PGPEP1L: variants seen among roughly 807,000 people sequenced by gnomAD.
The protein encoded by PGPEP1L is pyroglutamyl-peptidase I like, also known as pyroglutamyl-peptidase 1-like protein.
Under a neutral mutation model 6.0 loss-of-function variants are expected in PGPEP1L, and 7 were observed. The observed-to-expected ratio is 1.17, with a 90% CI of 0.66 to 2.19. The LOEUF (loss-of-function observed/expected upper bound fraction) is 2.19. Ranked by LOEUF, PGPEP1L falls within the 30% of genes most tolerant of loss-of-function variation. The pLI is 0.00. For synonymous variants in PGPEP1L, 103 were observed against 83.9 expected (o/e 1.23, Z -1.24); for missense variants, 209 against 192.5 (o/e 1.09, Z -0.51).
chr15:99,002,449 G>A (rs1408618583), intron 2 of PGPEP1L, among the ~76,000 whole-genome samples: 1 of 152,092 alleles, frequency 6.6e-6, no homozygotes, highest in African/African-American at 2.4e-5. Flanking sequence ...TATCTTGATT[G>A]TGGTGGTGGT....
At chr15:98,971,198 GGGGGGGGGGGGGT>G in intron 2 of PGPEP1L, 40 bp from the exon 3 acceptor site, 3 of 286,816 alleles carry the variant, frequency 1.0e-5, no homozygotes, top group Non-Finnish European at 1.4e-5. Context: ...AGTTGATGGG[GGGGGGGGGGGGGT>G]GGGCACCAAG....
chr15:98,981,489 C>CAAAAAAAA (rs769918543), intron 2 of PGPEP1L, among the ~76,000 whole-genome samples: 2 of 82,128 alleles, frequency 2.4e-5, no homozygotes, highest in African/African-American at 6.8e-5. Flanking sequence ...GACTCCGTCT[C>CAAAAAAAA]AAAAAAAAAA....
At chr15:98,975,349 AGGTT>A (rs1436578537) in intron 2 of PGPEP1L, among the ~76,000 whole-genome samples, 2 of 152,180 alleles carry the variant, frequency 1.3e-5, no homozygotes, top group Non-Finnish European at 2.9e-5. Context: ...GTATGAAAAG[AGGTT>A]GGTTATTGGA....
At chr15:99,004,267 G>A (rs2593054) in intron 2 of PGPEP1L, among the ~76,000 whole-genome samples, 98,761 of 151,484 alleles carry the variant, frequency 0.65, 33,714 homozygotes, top group Non-Finnish European at 0.77. Flanking sequence ...TAAATTGGGG[G>A]GTGTGGTGGT....
intron 2 of PGPEP1L, among the ~76,000 whole-genome samples, chr15:98,990,021 G>A (rs902545362): frequency 3.3e-5 from 5 of 152,134 alleles, no homozygotes; most frequent in South Asian, 2.1e-4. Flanking sequence ...CAGCCACTGC[G>A]AAACCATACC....
intron 2 of PGPEP1L, among the ~76,000 whole-genome samples, chr15:98,978,433 A>C (rs35435718): frequency 0.42 from 63,241 of 151,842 alleles, 14,275 homozygotes; most frequent in South Asian, 0.59. Context: ...GGCCTACTGG[A>C]TTTTGGAATC....
At chr15:98,969,314 G>C in intron 4 of PGPEP1L, 111 bp downstream of exon 4, 1 of 1,380,424 alleles carries the variant, frequency 7.2e-7, no homozygotes, top group South Asian at 1.2e-5. Context: ...GGCACCGCAT[G>C]GCCAAGTGGC....
intron 2 of PGPEP1L, among the ~76,000 whole-genome samples, chr15:98,998,593 A>G (rs1301282717): frequency 2.6e-5 from 4 of 152,252 alleles, no homozygotes; most frequent in African/African-American, 9.6e-5. Context: ...TAGAACAATT[A>G]GACACTAACA....
chr15:99,006,487 A>T (rs1477150239), intron 1 of PGPEP1L, among the ~76,000 whole-genome samples: 3 of 152,242 alleles, frequency 2.0e-5, no homozygotes, highest in Non-Finnish European at 4.4e-5. Flanking sequence ...CTATCGAAAA[A>T]GCTGTTTTCC....
intron 2 of PGPEP1L, among the ~76,000 whole-genome samples, chr15:98,999,643 T>C (rs1380190124): frequency 6.6e-6 from 1 of 152,210 alleles, no homozygotes; most frequent in Non-Finnish European, 1.5e-5. Flanking sequence ...GAAGCTTTAT[T>C]TGTAATAGAC....
chr15:98,990,329 G>C (rs2663108), intron 2 of PGPEP1L, among the ~76,000 whole-genome samples: 138,061 of 152,190 alleles, frequency 0.91, 62,794 homozygotes, highest in South Asian at 0.95. Flanking sequence ...TCTGTTAAAA[G>C]AGACTTTAAA....
intron 3 of PGPEP1L, 40 bp from the exon 4 acceptor site, chr15:98,969,691 G>A (rs112189572): frequency 6.9e-6 from 11 of 1,593,082 alleles, no homozygotes; most frequent in South Asian, 3.3e-5. Flanking sequence ...CCAGGAAAAC[G>A]AGGCCCACCC....
chr15:98,968,945 C>T (rs1463997607), intron 4 of PGPEP1L, among the ~76,000 whole-genome samples: 1 of 134,420 alleles, frequency 7.4e-6, no homozygotes, highest in Non-Finnish European at 1.7e-5. Flanking sequence ...TTCCACAGCA[C>T]CTGCATCCCA....
intron 2 of PGPEP1L, among the ~76,000 whole-genome samples, chr15:98,979,359 T>C (rs2017621529): frequency 6.6e-6 from 1 of 151,238 alleles, no homozygotes; most frequent in Admixed American, 6.6e-5. Flanking sequence ...AACACCTGGC[T>C]CTTTGCATCA....
At chr15:98,976,742 A>C (rs1186547220) in intron 2 of PGPEP1L, among the ~76,000 whole-genome samples, 5 of 152,170 alleles carry the variant, frequency 3.3e-5, no homozygotes, top group Non-Finnish European at 7.4e-5. Context: ...TTGGTAAGGG[A>C]AGCTCATGAG....
At chr15:98,995,629 G>A (rs148161927) in intron 2 of PGPEP1L, among the ~76,000 whole-genome samples, 2,502 of 152,316 alleles carry the variant, frequency 0.016, 70 homozygotes, top group African/African-American at 0.056. Context: ...CTGGGAGGCA[G>A]AGGTTGCAGT....
chr15:99,005,825 CCTGGGACAGAAGGATGT>C (rs1555473553), intron 1 of PGPEP1L, among the ~76,000 whole-genome samples, 169 bp from the exon 2 acceptor site: 1 of 152,148 alleles, frequency 6.6e-6, no homozygotes, highest in Non-Finnish European at 1.5e-5. Context: ...TCCCGGTTTG[CCTGGGACAGAAGGATGT>C]CTGGGACGGA....
intron 2 of PGPEP1L, among the ~76,000 whole-genome samples, chr15:98,971,938 ACTTTT>A (rs1387987542): frequency 2.0e-5 from 3 of 152,258 alleles, no homozygotes; most frequent in African/African-American, 4.8e-5. Context: ...TGTTTTTGAT[ACTTTT>A]CTTTGCAATC....
rs115659489 is a variant in PGPEP1L at position 98,995,776 on chromosome 15, A to G, written c.-142+9653T>C. Reference sequence around the variant, plus strand: ...ACTACAATCAATTTTAGAATCTATCACGCCCAAAAAACCCCATATTCATTA... The same window carrying G: ...ACTACAATCAATTTTAGAATCTATCGCGCCCAAAAAACCCCATATTCATTA... On this transcript the variant is annotated intron_variant, in intron 2 of 4. Transcript: ENST00000535714. 9.6e-3 allele frequency among the ~76,000 whole-genome samples: 1,463 copies of G among 152,144 alleles called. 25 individuals carry two copies. Among genetic ancestry groups the G allele is most frequent in the African/African-American group, 0.033 (1,387 of 41,512 alleles).
Sources: gnomAD v4.1 joint callset for allele counts (sites outside exome capture counted in the v4.1 genomes callset) on GRCh38, gnomAD v4.1.1 for gene constraint, MANE v1.5 for transcripts, NCBI Gene and HGNC (gene_info 2026-07-23, HGNC 2026-07-21) for gene names.